Variants in C6orf89 observed in about 807,000 individuals in gnomAD.
C6orf89 encodes the protein bombesin receptor-activated protein C6orf89.
Under a neutral mutation model 40.7 loss-of-function variants are expected in C6orf89, and 29 were observed. The ratio of observed to expected loss-of-function variants is 0.71; its 90% confidence interval spans 0.53 to 0.97. C6orf89 has a LOEUF of 0.97. C6orf89 is among the 50% of genes least tolerant of loss of function. C6orf89 has a pLI of 0.00. For missense variants in C6orf89, 392 were observed against 429.1 expected (o/e 0.91, Z 0.76); for synonymous variants, 165 against 152.2 (o/e 1.08, Z -0.62).
chr6:36,882,409 T>A (rs4711472), upstream of C6orf89, among the ~76,000 whole-genome samples: 1 of 152,156 alleles, frequency 6.6e-6, no homozygotes, highest in Non-Finnish European at 1.5e-5. Context: ...GCTATGCACC[T>A]AAATTGGAGA....
In C6orf89 at chr6:36,926,592, A is replaced by AAAGGG. The variant is rs143109651; in HGVS notation, c.*3158_*3162dup. 1 of 70,430 alleles carries AAAGGG rather than the reference A, an allele frequency of 1.4e-5. No individual in the cohort carries two copies. Among genetic ancestry groups the AAAGGG allele is most frequent in the African/African-American group, 1.1e-4 (1 of 9,498 alleles). 4.4% of individuals were successfully genotyped at this position (70,430 alleles called of 1,614,324 possible). The stretch of plus-strand genomic sequence containing the variant: ...GAGAAAAGAAGAGGGGAGGGGAGGG[A>AAAGGG]AAGGGAAGGGAGGGGAGGGGAGGAG... On this transcript the variant is annotated 3_prime_UTR_variant, in exon 9 of 9. Coordinates refer to ENST00000480824, the MANE Select transcript of C6orf89 (RefSeq NM_001286635.2).
intron 2 of C6orf89, among the ~76,000 whole-genome samples, chr6:36,894,845 T>C (rs1233295351): frequency 6.6e-6 from 1 of 152,200 alleles, no homozygotes; most frequent in Non-Finnish European, 1.5e-5. Context: ...TTCTAATGAA[T>C]TGAATTTTTC....
chr6:36,923,286 G>A, intron 8 of C6orf89, 61 bp from the exon 9 acceptor site: 6 of 1,298,754 alleles, frequency 4.6e-6, no homozygotes, highest in Non-Finnish European at 6.6e-6. Context: ...CCTTGCTCGT[G>A]CCCACAGGTG....
chr6:36,905,948 C>T (rs961577043), intron 4 of C6orf89, among the ~76,000 whole-genome samples: 4 of 152,236 alleles, frequency 2.6e-5, no homozygotes, highest in Admixed American at 1.3e-4. Flanking sequence ...AGATATCACA[C>T]TTACAGCCTG....
chr6:36,924,177 C>A lies in C6orf89; in HGVS notation c.*736C>A. ...TCCCTTGCCTATCTGGATGGCTTCT[C>A]AGAAGCTCGGCCCTAGTCCTCCCTG... On this transcript the variant is annotated 3_prime_UTR_variant, in exon 9 of 9. Coordinates refer to ENST00000480824, the MANE Select transcript of C6orf89 (RefSeq NM_001286635.2). The A allele has an allele frequency of 6.4e-6, 1 of 155,218 alleles. No individual in the cohort carries two copies. The allele number at this position is 155,218 out of a possible 1,614,324, so 9.6% of individuals were successfully genotyped here.
chr6:36,874,619 G>A, intron 1 of C6orf89: 1 of 1,499,944 alleles, frequency 6.7e-7, no homozygotes, highest in Non-Finnish European at 9.2e-7. Context: ...TCCACGTGGA[G>A]GCCGGCCTCC....
intron 3 of C6orf89, 85 bp downstream of exon 3, chr6:36,899,718 C>A: frequency 3.1e-6 from 4 of 1,291,206 alleles, no homozygotes; most frequent in East Asian, 2.5e-5. Context: ...TGACTAATCC[C>A]ACCACTGAGC....
chr6:36,920,036 C>A (rs1762460753), intron 8 of C6orf89, among the ~76,000 whole-genome samples: 1 of 152,138 alleles, frequency 6.6e-6, no homozygotes, highest in African/African-American at 2.4e-5. Context: ...GGTGACCACC[C>A]CAAGGCCCCA....
At chr6:36,895,627 C>T (rs10947638) in intron 2 of C6orf89, among the ~76,000 whole-genome samples, 30,913 of 152,168 alleles carry the variant, frequency 0.2, 3,243 homozygotes, top group East Asian at 0.3. Flanking sequence ...TGTCTTCTTT[C>T]ACCTAGCATA....
intron 2 of C6orf89, among the ~76,000 whole-genome samples, chr6:36,898,048 T>TA (rs1384903998): frequency 6.6e-6 from 1 of 152,188 alleles, no homozygotes; most frequent in East Asian, 1.9e-4. Context: ...TTCTGTAACT[T>TA]AAACACCTTT....
upstream of C6orf89, among the ~76,000 whole-genome samples, chr6:36,881,603 G>A (rs1328740150): frequency 6.6e-6 from 1 of 152,240 alleles, no homozygotes; most frequent in African/African-American, 2.4e-5. Context: ...GAACCTGGGA[G>A]GCCGAGGTTG....
chr6:36,899,822 G>A (rs1761596398), intron 3 of C6orf89, among the ~76,000 whole-genome samples, 189 bp downstream of exon 3: 2 of 152,176 alleles, frequency 1.3e-5, no homozygotes, highest in Admixed American at 6.5e-5. Context: ...GATGAAAGCT[G>A]CATATTTACA....
upstream of C6orf89, chr6:36,885,886 A>C: frequency 7.8e-6 from 5 of 642,590 alleles, no homozygotes; most frequent in East Asian, 3.5e-5. Flanking sequence ...GAGAGGAGGA[A>C]TTACTCTAGG....
At chr6:36,874,781 C>T (rs940292786) in intron 1 of C6orf89, 54 of 1,613,986 alleles carry the variant, frequency 3.3e-5, no homozygotes, top group Admixed American at 5.0e-5. Flanking sequence ...ATAGCGAAGC[C>T]GGCGGCGGAA....
At chr6:36,910,991 C>T (rs570222995) in intron 4 of C6orf89, among the ~76,000 whole-genome samples, 1 of 152,148 alleles carries the variant, frequency 6.6e-6, no homozygotes, top group South Asian at 2.1e-4. Flanking sequence ...CTTTTTAGTA[C>T]TAACAGTTTT....
chr6:36,903,781 G>T (rs543655306), intron 4 of C6orf89, among the ~76,000 whole-genome samples: 341 of 152,098 alleles, frequency 2.2e-3, no homozygotes, highest in African/African-American at 7.5e-3. Flanking sequence ...TCATGGAAAG[G>T]TTTCCAAAAT....
intron 1 of C6orf89, among the ~76,000 whole-genome samples, chr6:36,875,452 A>T (rs1774626980): frequency 6.6e-6 from 1 of 152,246 alleles, no homozygotes; most frequent in African/African-American, 2.4e-5. Context: ...TAAAGAAAGG[A>T]AGAGACAGGA....
At position 36,875,104 on chromosome 6, in the gene C6orf89, T is replaced by C. The variant is rs529889947; in HGVS notation, c.-628+3137T>C. Reference sequence around the variant, plus strand: ...AGAAAAGCTGCGCTCTGGTTGGAGTTATGTCCTAATATTAAATTCGAAGAA... The same window carrying C: ...AGAAAAGCTGCGCTCTGGTTGGAGTCATGTCCTAATATTAAATTCGAAGAA... On this transcript the variant is annotated intron_variant, in intron 1 of 9. Coordinates refer to the C6orf89 transcript ENST00000359359. The C allele has an allele frequency of 3.9e-5, 12 of 310,494 alleles. No homozygotes were observed. In the East Asian group the frequency reaches 7.3e-4, roughly 19 times the overall value. The allele number at this position is 310,494 out of a possible 1,614,324, so 19.2% of individuals were successfully genotyped here.
At chr6:36,889,794 T>C (rs1484961027) in intron 1 of C6orf89, among the ~76,000 whole-genome samples, 1 of 152,246 alleles carries the variant, frequency 6.6e-6, no homozygotes, top group African/African-American at 2.4e-5. Flanking sequence ...TTTTAATGGG[T>C]ATGGCAATAA....
Sources: gnomAD v4.1 joint callset for allele counts (sites outside exome capture counted in the v4.1 genomes callset) on GRCh38, gnomAD v4.1.1 for gene constraint, MANE v1.5 for transcripts, NCBI Gene and HGNC (gene_info 2026-07-23, HGNC 2026-07-21) for gene names.